PTPRD: variants seen among roughly 807,000 people sequenced by gnomAD.
PTPRD encodes receptor-type tyrosine-protein phosphatase delta.
In PTPRD, 34 loss-of-function variants were observed where a neutral mutation model predicts 214.5. The observed-to-expected ratio is 0.16, with a 90% CI of 0.12 to 0.21. PTPRD has a LOEUF of 0.21. PTPRD is among the 10% of genes least tolerant of loss of function. The probability of loss-of-function intolerance (pLI) is 1.00; values close to 1 mark genes in which losing one functional copy is unlikely to be tolerated. For missense variants in PTPRD, 2,545 were observed against 2,398.7 expected, an observed-to-expected ratio of 1.06 and a Z score of -1.27; for synonymous variants, 1,128 against 845.7, an observed-to-expected ratio of 1.33 and a Z score of -5.79.
At chr9:8,915,600 G>C (rs1159455736) in intron 11 of PTPRD, among the ~76,000 whole-genome samples, 3 of 152,170 alleles carry the variant, frequency 2.0e-5, no homozygotes, top group African/African-American at 7.2e-5. Context: ...TGGCAAGCTA[G>C]AGACCTAGGT....
chr9:8,427,083 T>A (rs2094727602), intron 35 of PTPRD, among the ~76,000 whole-genome samples: 1 of 152,174 alleles, frequency 6.6e-6, no homozygotes, highest in Non-Finnish European at 1.5e-5. Flanking sequence ...TTGGTGAGAC[T>A]GGTCCTTAAC....
chr9:10,235,235 A>G (rs532303497), intron 3 of PTPRD, among the ~76,000 whole-genome samples: 1 of 152,124 alleles, frequency 6.6e-6, no homozygotes, highest in South Asian at 2.1e-4. Flanking sequence ...TAAACGGATT[A>G]CATTTTTAAG....
chr9:8,733,543 T>C (rs907491564), intron 12 of PTPRD, among the ~76,000 whole-genome samples: 5 of 151,890 alleles, frequency 3.3e-5, no homozygotes, highest in Admixed American at 6.6e-5. Context: ...AAAAAATAAA[T>C]AAACAGGAGG....
intron 11 of PTPRD, among the ~76,000 whole-genome samples, chr9:8,826,290 C>T (rs189520131): frequency 6.6e-6 from 1 of 152,204 alleles, no homozygotes; most frequent in East Asian, 1.9e-4. Flanking sequence ...TACAAAGCAT[C>T]CAGAATAATT....
intron 8 of PTPRD, among the ~76,000 whole-genome samples, chr9:9,477,453 T>C (rs2095141004): frequency 6.6e-6 from 1 of 152,210 alleles, no homozygotes; most frequent in Non-Finnish European, 1.5e-5. Context: ...CAAAACTATC[T>C]GAGGCATAAG....
chr9:10,049,061 G>A (rs2097465557), intron 3 of PTPRD, among the ~76,000 whole-genome samples: 1 of 152,054 alleles, frequency 6.6e-6, no homozygotes, highest in African/African-American at 2.4e-5. Flanking sequence ...AGATGGAGAT[G>A]TTTAAAATGT....
chr9:9,004,145 G>A (rs1191166172), intron 11 of PTPRD, among the ~76,000 whole-genome samples: 1 of 151,950 alleles, frequency 6.6e-6, no homozygotes, highest in East Asian at 1.9e-4. Context: ...AACAGCTTTT[G>A]TCAATCAGAA....
chr9:10,566,587 T>C (rs1354621850), intron 2 of PTPRD, among the ~76,000 whole-genome samples: 1 of 152,040 alleles, frequency 6.6e-6, no homozygotes, highest in Non-Finnish European at 1.5e-5. Context: ...TATTAGTTAA[T>C]TAGCTGTCTG....
chr9:9,064,516 C>G (rs2099720843), intron 10 of PTPRD, among the ~76,000 whole-genome samples: 1 of 152,118 alleles, frequency 6.6e-6, no homozygotes, highest in South Asian at 2.1e-4. Flanking sequence ...GCACCTGGAC[C>G]AAACATTTCA....
intron 7 of PTPRD, among the ~76,000 whole-genome samples, chr9:9,593,108 G>A (rs1484030057): frequency 1.4e-5 from 2 of 143,006 alleles, no homozygotes; most frequent in African/African-American, 5.3e-5. Flanking sequence ...CAGAGAGAGA[G>A]AAAGGAAGGA....
intron 22 of PTPRD, among the ~76,000 whole-genome samples, chr9:8,506,175 A>G (rs1023660214): frequency 6.6e-6 from 1 of 152,236 alleles, no homozygotes; most frequent in Admixed American, 6.5e-5. Flanking sequence ...AATTGAGAGT[A>G]GTTCATTTAG....
intron 9 of PTPRD, among the ~76,000 whole-genome samples, chr9:9,287,387 T>C (rs1268349012): frequency 2.0e-5 from 3 of 151,922 alleles, no homozygotes; most frequent in Non-Finnish European, 4.4e-5. Context: ...TAATCAGTAC[T>C]ATAAAATTTT....
chr9:10,584,515 C>T (rs4741040), intron 2 of PTPRD, among the ~76,000 whole-genome samples: 27,421 of 152,086 alleles, frequency 0.18, 3,068 homozygotes, highest in East Asian at 0.53. Context: ...TGGGTTTCAG[C>T]TGACATTTCT....
intron 12 of PTPRD, among the ~76,000 whole-genome samples, chr9:8,719,392 A>G (rs1221381576): frequency 6.6e-6 from 1 of 152,226 alleles, no homozygotes; most frequent in African/African-American, 2.4e-5. Context: ...ATCTGCTCCC[A>G]ATAAACATTA....
intron 31 of PTPRD, 63 bp from the exon 32 acceptor site, chr9:8,465,738 T>C (rs961321912): frequency 6.4e-6 from 9 of 1,409,994 alleles, no homozygotes; most frequent in Non-Finnish European, 8.7e-6. Context: ...TATTGATAAT[T>C]TAATGAGATA....
chr9:8,885,730 C>T (rs1196212519), intron 11 of PTPRD, among the ~76,000 whole-genome samples: 1 of 151,934 alleles, frequency 6.6e-6, no homozygotes, highest in African/African-American at 2.4e-5. Flanking sequence ...CTCCTGATCT[C>T]AGGCGAACCA....
intron 5 of PTPRD, among the ~76,000 whole-genome samples, chr9:9,832,811 T>G (rs921759648): frequency 6.6e-6 from 1 of 151,844 alleles, no homozygotes; most frequent in Non-Finnish European, 1.5e-5. Context: ...ACATGCTGAC[T>G]GTAGCAGAGC....
chr9:8,819,458 T>G (rs1443597712), intron 11 of PTPRD, among the ~76,000 whole-genome samples: 1 of 152,122 alleles, frequency 6.6e-6, no homozygotes, highest in Non-Finnish European at 1.5e-5. Flanking sequence ...AGGTCAGGAT[T>G]CAAGATCAGC....
chr9:9,704,353 T>A (rs2097558622), intron 7 of PTPRD, among the ~76,000 whole-genome samples: 1 of 152,132 alleles, frequency 6.6e-6, no homozygotes, highest in Admixed American at 6.5e-5. Flanking sequence ...TAAAATTATA[T>A]CCACTCGACA....
Sources: gnomAD v4.1 joint callset for allele counts (sites outside exome capture counted in the v4.1 genomes callset) on GRCh38, gnomAD v4.1.1 for gene constraint, MANE v1.5 for transcripts, NCBI Gene and HGNC (gene_info 2026-07-23, HGNC 2026-07-21) for gene names.